The following EFNA5 variants were observed in gnomAD, a reference collection of about 807,000 sequenced individuals.
EFNA5 encodes the protein ephrin A5.
A neutral mutation model predicts 22.9 loss-of-function variants in EFNA5; 5 were observed. The observed-to-expected ratio is 0.22, with a 90% CI of 0.11 to 0.46. The LOEUF is 0.46. Among genes scored for constraint, EFNA5 ranks in the 20% least tolerant of loss-of-function variants. The pLI, the probability that EFNA5 is intolerant of heterozygous loss-of-function variation, is 0.99. For synonymous variants in EFNA5, 113 were observed against 112.2 expected (o/e 1.01, Z -0.04); for missense variants, 237 against 293.3 (o/e 0.81, Z 1.40).
chr5:107,493,697 C>CT (rs2112416654), intron 1 of EFNA5, among the ~76,000 whole-genome samples: 1 of 152,328 alleles, frequency 6.6e-6, no homozygotes, highest in African/African-American at 2.4e-5. Flanking sequence ...ACTTCAGTAA[C>CT]TACCTGTACA....
chr5:107,454,214 TCTAC>T (rs1344891784), intron 1 of EFNA5, among the ~76,000 whole-genome samples: 3 of 152,198 alleles, frequency 2.0e-5, no homozygotes, highest in African/African-American at 7.2e-5. Context: ...GTCATACAAT[TCTAC>T]AAGTCATTTT....
At chr5:107,601,242 C>T (rs1403534978) in intron 1 of EFNA5, among the ~76,000 whole-genome samples, 1 of 152,170 alleles carries the variant, frequency 6.6e-6, no homozygotes, top group African/African-American at 2.4e-5. Flanking sequence ...ATGTTTTGGC[C>T]GCATTGGCAA....
At chr5:107,544,746 A>C (rs1335195569) in intron 1 of EFNA5, among the ~76,000 whole-genome samples, 2 of 152,204 alleles carry the variant, frequency 1.3e-5, no homozygotes, top group Non-Finnish European at 2.9e-5. Flanking sequence ...TTTACTTGCC[A>C]AACTCCCTGA....
intron 1 of EFNA5, among the ~76,000 whole-genome samples, chr5:107,455,617 C>T (rs1053937873): frequency 1.9e-4 from 29 of 152,252 alleles, no homozygotes; most frequent in African/African-American, 6.7e-4. Flanking sequence ...TTGCCTTTAT[C>T]AAATAAATTA....
At chr5:107,503,474 G>A (rs973067388) in intron 1 of EFNA5, among the ~76,000 whole-genome samples, 8 of 152,220 alleles carry the variant, frequency 5.3e-5, no homozygotes, top group South Asian at 2.1e-4. Flanking sequence ...AGAATTCCTC[G>A]CTGTTTTCAA....
At chr5:107,420,880 T>C (rs1748638714) in intron 2 of EFNA5, among the ~76,000 whole-genome samples, 1 of 152,214 alleles carries the variant, frequency 6.6e-6, no homozygotes, top group African/African-American at 2.4e-5. Context: ...AAGCAGATTA[T>C]CCATATTATG....
chr5:107,534,005 T>C (rs1268603051), intron 1 of EFNA5, among the ~76,000 whole-genome samples: 1 of 152,202 alleles, frequency 6.6e-6, no homozygotes, highest in Non-Finnish European at 1.5e-5. Context: ...TATTTTATGA[T>C]GCTATAAAGA....
chr5:107,427,392 C>A lies in EFNA5; in HGVS notation c.243G>T (p.Met81Ile). The A allele has an allele frequency of 6.2e-7, 1 of 1,614,030 alleles. No individual in the cohort carries two copies. The highest frequency in any genetic ancestry group is 1.1e-5 in the South Asian group (1 of 91,086). Reference protein sequence around the residue: ...EDKTERYVLYMVNFDGYSACD... With the variant: ...EDKTERYVLYIVNFDGYSACD... ...AGGCACTGTAGCCATCAAAGTTCAC[C>A]ATGTAGAGGACATAGCGCTCAGTCT... The change falls in exon 2 of 5, where the codon ATG (methionine) becomes ATT (isoleucine). Residue 81 changes from methionine to isoleucine, a missense_variant. Around this residue, in one of 3 missense-constraint regions of EFNA5, gnomAD observed 120 missense variants for 140.5 expected, o/e 0.85. Transcript: ENST00000333274.
At chr5:107,527,810 C>T (rs2112449269) in intron 1 of EFNA5, among the ~76,000 whole-genome samples, 1 of 152,112 alleles carries the variant, frequency 6.6e-6, no homozygotes, top group South Asian at 2.1e-4. Flanking sequence ...AAGATGGGAA[C>T]ATGTGAAAGG....
intron 1 of EFNA5, among the ~76,000 whole-genome samples, chr5:107,491,965 G>A (rs1202298604): frequency 6.6e-6 from 1 of 152,072 alleles, no homozygotes; most frequent in Non-Finnish European, 1.5e-5. Flanking sequence ...CTCCCGAGTA[G>A]CTGGGATTAC....
At chr5:107,488,406 G>A (rs950607307) in intron 1 of EFNA5, among the ~76,000 whole-genome samples, 2 of 152,178 alleles carry the variant, frequency 1.3e-5, no homozygotes, top group South Asian at 4.1e-4. Context: ...GGTGAGTGAA[G>A]TAAAGAAATG....
chr5:107,669,939 C>A (rs1022833647), intron 1 of EFNA5, among the ~76,000 whole-genome samples: 12 of 151,128 alleles, frequency 7.9e-5, no homozygotes, highest in African/African-American at 2.9e-4. Flanking sequence ...AAAATAAAAA[C>A]CTAAAGCTTC....
intron 1 of EFNA5, among the ~76,000 whole-genome samples, chr5:107,428,179 T>C (rs534525164): frequency 7.2e-5 from 11 of 152,246 alleles, no homozygotes; most frequent in Admixed American, 7.2e-4. Context: ...GTGCTTTTCT[T>C]AGATCTGCTA....
chr5:107,472,566 G>T lies in EFNA5; in HGVS notation c.126-45057C>A, dbSNP rs548778185. ...CATATTAAAACTATGGGTACTTGAA[G>T]ACTTTAGTCATTAATAAACTTTGCC... On this transcript the variant is annotated intron_variant, in intron 1 of 4. Transcript: ENST00000333274. Among the ~76,000 whole-genome samples, 23 of 152,278 alleles carry T rather than the reference G, an allele frequency of 1.5e-4. No homozygotes were observed. The South Asian group carries it at 4.8e-3, about 32-fold the overall frequency.
At position 107,525,292 on chromosome 5, in the gene EFNA5, G is replaced by A. The variant is rs912578827; in HGVS notation, c.126-97783C>T. Among the ~76,000 whole-genome samples, 7 of 152,178 alleles carry A rather than the reference G, an allele frequency of 4.6e-5. 1 individual carries two copies. The highest frequency in any genetic ancestry group is 1.9e-4 in the East Asian group (1 of 5,182). Reference sequence around the variant, plus strand: ...ACAGTGTATATAGATATGTGTGTGTGTATATATGTATATATAAAATGTATA... The same window carrying A: ...ACAGTGTATATAGATATGTGTGTGTATATATATGTATATATAAAATGTATA... On this transcript the variant is annotated intron_variant, in intron 1 of 4. Transcript: ENST00000333274.
chr5:107,379,971 T>C lies in EFNA5; in HGVS notation c.*1284A>G, dbSNP rs1747393309. On this transcript the variant is annotated 3_prime_UTR_variant, in exon 5 of 5. Transcript: ENST00000333274. ...TGTTTATCTCCCACAGATAAACACA[T>C]GTTCCCCCTACGCTTTAGGCTGTGT... 1 of 152,214 alleles carries C rather than the reference T, an allele frequency of 6.6e-6. No homozygotes were observed. Among genetic ancestry groups the C allele is most frequent in the Non-Finnish European group, 1.5e-5 (1 of 68,036 alleles). 9.4% of individuals were successfully genotyped at this position (152,214 alleles called of 1,614,324 possible).
intron 1 of EFNA5, among the ~76,000 whole-genome samples, chr5:107,479,183 C>T (rs1426223598): frequency 6.6e-6 from 1 of 152,094 alleles, no homozygotes; most frequent in Non-Finnish European, 1.5e-5. Context: ...GATGGGTATT[C>T]GTGTTTAAAC....
At position 107,543,994 on chromosome 5, in the gene EFNA5, T is replaced by C. The variant is rs146419714; in HGVS notation, c.126-116485A>G. The stretch of plus-strand genomic sequence containing the variant: ...CAGGAAATCAGGGTGTAGTGTGTTC[T>C]GGGCAGTCCAGGTATTTGAAAGAGA... On this transcript the variant is annotated intron_variant, in intron 1 of 4. Transcript: ENST00000333274. 4.0e-3 allele frequency among the ~76,000 whole-genome samples: 607 copies of C among 152,306 alleles called. 6 individuals are homozygous for C. The highest frequency in any genetic ancestry group is 7.5e-3 in the Non-Finnish European group (508 of 68,022).
chr5:107,401,307 G>T (rs544818015), intron 2 of EFNA5, among the ~76,000 whole-genome samples: 3 of 152,082 alleles, frequency 2.0e-5, no homozygotes, highest in Non-Finnish European at 4.4e-5. Context: ...CTATTTTGCC[G>T]CTGCTTAGTG....
Sources: allele counts gnomAD v4.1 joint callset (sites outside exome capture counted in the v4.1 genomes callset), GRCh38; gene constraint gnomAD v4.1.1; regional missense constraint gnomAD v4.1.1; transcripts MANE v1.5; gene names NCBI Gene and HGNC (gene_info 2026-07-23, HGNC 2026-07-21).